EGF: variants seen among roughly 807,000 people sequenced by gnomAD.
EGF encodes pro-epidermal growth factor.
EGF carries 95 observed loss-of-function variants against 143.8 expected under a neutral mutation model. That is an observed-to-expected ratio of 0.66 (90% CI 0.56 to 0.78). The LOEUF (loss-of-function observed/expected upper bound fraction) is 0.78, where lower values mean the gene tolerates loss of function less well. Ranked by LOEUF, EGF falls within the 30% of genes least tolerant of loss-of-function variation. The pLI is 0.00. For synonymous variants in EGF, 510 were observed against 510.5 expected (o/e 1.00, Z 0.01); for missense variants, 1,320 against 1,470.9 (o/e 0.90, Z 1.68).
At chr4:110,006,035 T>G (rs1052079069) in intron 22 of EGF, among the ~76,000 whole-genome samples, 1 of 145,154 alleles carries the variant, frequency 6.9e-6, no homozygotes, top group African/African-American at 2.8e-5. Context: ...TTGGTTGGAC[T>G]CAAGTATGGG....
chr4:110,006,423 C>T (rs1010023959), intron 22 of EGF, among the ~76,000 whole-genome samples: 2 of 152,178 alleles, frequency 1.3e-5, no homozygotes, highest in African/African-American at 4.8e-5. Context: ...TTCCTTTAAC[C>T]TATGCAGACT....
chr4:109,986,865 G>T (rs992140689), intron 16 of EGF, among the ~76,000 whole-genome samples: 16 of 152,100 alleles, frequency 1.1e-4, no homozygotes, highest in African/African-American at 3.9e-4. Flanking sequence ...AACTTGTATG[G>T]TTCATGATTT....
chr4:110,004,230 A>ACT (rs1325538822), intron 21 of EGF: 4 of 460,304 alleles, frequency 8.7e-6, no homozygotes, highest in Non-Finnish European at 1.6e-5. Flanking sequence ...ACACACACAC[A>ACT]CACACACACA....
At chr4:109,944,147 T>C (rs1462684146) in intron 4 of EGF, 78 bp downstream of exon 4, 1 of 1,440,398 alleles carries the variant, frequency 6.9e-7, no homozygotes, top group African/African-American at 1.4e-5. Flanking sequence ...CTTTTGTCAA[T>C]GGAACTGGTA....
At chr4:109,953,077 A>G (rs1744202775) in intron 5 of EGF, among the ~76,000 whole-genome samples, 1 of 152,116 alleles carries the variant, frequency 6.6e-6, no homozygotes, top group Non-Finnish European at 1.5e-5. Flanking sequence ...GTTACCTATA[A>G]ACTGGTAGTT....
chr4:109,919,281 TTCTCTG>T (rs1259093374), intron 1 of EGF, among the ~76,000 whole-genome samples: 8 of 116,540 alleles, frequency 6.9e-5, no homozygotes, highest in Non-Finnish European at 5.2e-5. Context: ...GAATGCATGC[TTCTCTG>T]TCTCTCTCTC....
chr4:109,934,938 G>A (rs948494221), intron 1 of EGF, among the ~76,000 whole-genome samples: 19 of 151,894 alleles, frequency 1.3e-4, no homozygotes, highest in Admixed American at 3.3e-4. Flanking sequence ...TTTTGGTACC[G>A]GTACCATGCT....
In EGF at chr4:109,983,288, G is replaced by A. The variant is rs41433946; in HGVS notation, c.2372-134G>A. ...TTACTAAGTTACCAAGACCCTGACA[G>A]TTTCTCTGAATCCTCTTACTGTAAG... On this transcript the variant is annotated intron_variant, in intron 15 of 23. Coordinates refer to ENST00000265171, the MANE Select transcript of EGF (RefSeq NM_001963.6). 664 of 1,055,692 alleles carry A rather than the reference G, an allele frequency of 6.3e-4. 4 individuals are homozygous for A. In the African/African-American group the frequency reaches 8.8e-3, roughly 14 times the overall value. The allele number at this position is 1,055,692 out of a possible 1,614,324, so 65.4% of individuals were successfully genotyped here.
intron 4 of EGF, 144 bp from the exon 5 acceptor site, chr4:109,944,928 TA>T (rs1443730527): frequency 1.2e-6 from 1 of 851,080 alleles, no homozygotes; most frequent in Non-Finnish European, 1.9e-6. Context: ...ATTTTAAACT[TA>T]ATATACTTTT....
chr4:109,999,705 G>A lies in EGF; in HGVS notation c.3032G>A (p.Arg1011Gln), dbSNP rs934899379. 1.9e-6 allele frequency: 3 copies of A among 1,613,970 alleles called. No homozygotes were observed. Among genetic ancestry groups the A allele is most frequent in the Non-Finnish European group, 2.5e-6 (3 of 1,180,016 alleles). The change falls in exon 21 of 24, where the codon CGA (arginine) becomes CAA (glutamine). Residue 1011 changes from arginine (R) to glutamine (Q), a missense_variant. Arg to Gln is a conservative substitution (Grantham distance 43, BLOSUM62 1). Coordinates refer to ENST00000265171, the MANE Select transcript of EGF (RefSeq NM_001963.6). ...TGTGTTGTTGGCTACATCGGGGAGC[G>A]ATGTCAGTACCGAGACCTGAAGTGG... ...CNCVVGYIGERCQYRDLKWWE... is the reference protein window; with the variant it reads ...CNCVVGYIGEQCQYRDLKWWE...
chr4:109,921,357 T>G lies in EGF; in HGVS notation c.127+7895T>G, dbSNP rs75125884. 9.8e-3 allele frequency among the ~76,000 whole-genome samples: 1,412 copies of G among 144,704 alleles called. 11 individuals carry two copies. The highest frequency in any genetic ancestry group is 0.02 in the South Asian group (92 of 4,652). The allele number at this position is 144,704 out of a possible 152,430, so 94.9% of individuals were successfully genotyped here. A position where few individuals can be genotyped will look rare whatever the true frequency, so the allele number is the denominator to read the frequency against. On this transcript the variant is annotated intron_variant, in intron 1 of 23. Transcript: ENST00000265171. ...GAATCTGAATTGGTGTGAGCATCTG[T>G]TTTTTTTTTTATTCTGACTTGATTT...
At chr4:109,982,890 T>C (rs1749590733) in intron 15 of EGF, among the ~76,000 whole-genome samples, 2 of 152,214 alleles carry the variant, frequency 1.3e-5, no homozygotes, top group Non-Finnish European at 1.5e-5. Flanking sequence ...AGAAAACTGC[T>C]GTCTTACAGA....
At chr4:109,917,224 TA>T (rs1296843021) in intron 1 of EGF, among the ~76,000 whole-genome samples, 1 of 152,208 alleles carries the variant, frequency 6.6e-6, no homozygotes, top group African/African-American at 2.4e-5. Context: ...TAAAAGCATA[TA>T]AAAATGGTAA....
chr4:110,007,787 A>G (rs1753504264), intron 22 of EGF, among the ~76,000 whole-genome samples: 1 of 152,204 alleles, frequency 6.6e-6, no homozygotes, highest in Non-Finnish European at 1.5e-5. Flanking sequence ...TAGCACACAC[A>G]TATATTAGAT....
intron 11 of EGF, among the ~76,000 whole-genome samples, chr4:109,969,427 G>A (rs1747208828): frequency 6.6e-6 from 1 of 152,054 alleles, no homozygotes; most frequent in African/African-American, 2.4e-5. Flanking sequence ...CAGAGGGAGG[G>A]GAACATCACA....
chr4:109,945,590 A>G (rs187015294), intron 5 of EGF, among the ~76,000 whole-genome samples: 9 of 152,270 alleles, frequency 5.9e-5, no homozygotes, highest in Admixed American at 3.9e-4. Flanking sequence ...GAAAGAAAGA[A>G]AGAAAGAAAA....
chr4:109,988,503 GATT>G, intron 17 of EGF, 78 bp from the exon 18 acceptor site: 1 of 1,592,570 alleles, frequency 6.3e-7, no homozygotes, highest in East Asian at 2.2e-5. Flanking sequence ...TTGAATATAC[GATT>G]ATGCTTATTC....
intron 23 of EGF, among the ~76,000 whole-genome samples, chr4:110,010,468 T>G (rs923800260): frequency 2.0e-5 from 3 of 152,226 alleles, no homozygotes; most frequent in Non-Finnish European, 4.4e-5. Flanking sequence ...AAAATTATTT[T>G]AAGTCAAGGT....
chr4:109,984,002 C>T (rs1182611660), intron 16 of EGF, among the ~76,000 whole-genome samples: 1 of 152,208 alleles, frequency 6.6e-6, no homozygotes, highest in South Asian at 2.1e-4. Flanking sequence ...CTGTGTTGCA[C>T]ATTTGTCACT....
Sources: gnomAD v4.1 joint callset for allele counts (sites outside exome capture counted in the v4.1 genomes callset) on GRCh38, gnomAD v4.1.1 for gene constraint, MANE v1.5 for transcripts, NCBI Gene and HGNC (gene_info 2026-07-23, HGNC 2026-07-21) for gene names.